ALS2: variants seen among roughly 807,000 people sequenced by gnomAD.
ALS2 encodes alsin.
A neutral mutation model predicts 203.4 loss-of-function variants in ALS2; 117 were observed. The ratio of observed to expected loss-of-function variants is 0.58; its 90% confidence interval spans 0.50 to 0.67. The LOEUF is 0.67. Ranked by LOEUF, ALS2 falls within the 30% of genes least tolerant of loss-of-function variation. ALS2 has a pLI of 0.00. For missense variants in ALS2, 1,715 were observed against 1,989.4 expected (o/e 0.86, Z 2.62); for synonymous variants, 718 against 725.9 (o/e 0.99, Z 0.17).
At chr2:201,766,089 A>G (rs2106099312) in intron 3 of ALS2, among the ~76,000 whole-genome samples, 1 of 152,352 alleles carries the variant, frequency 6.6e-6, no homozygotes, top group East Asian at 1.9e-4. Flanking sequence ...GGGGCTTAGT[A>G]TAGTGTCTGG....
chr2:201,724,246 G>T (rs773394711), intron 21 of ALS2, 49 bp downstream of exon 21: 1 of 1,546,240 alleles, frequency 6.5e-7, no homozygotes. Context: ...AATAATGATG[G>T]TGCTTAATCA....
At chr2:201,756,581 G>C (rs1345045980) in intron 5 of ALS2, among the ~76,000 whole-genome samples, 1 of 152,142 alleles carries the variant, frequency 6.6e-6, no homozygotes, top group Non-Finnish European at 1.5e-5. Flanking sequence ...AGTTTTGTTG[G>C]GATATAGCTT....
At position 201,761,458 on chromosome 2, in the gene ALS2, T is replaced by G; in HGVS notation, c.536A>C (p.Gln179Pro). The change falls in exon 4 of 34, where the codon CAG becomes CCG. Residue 179 changes from glutamine (Q) to proline (P), a missense_variant. Physicochemically the swap from Gln to Pro is moderately conservative, Grantham distance 76 (BLOSUM62 -1). Transcript: ENST00000264276. ...GAAGGCAGTGGTAATGAGACCCAAC[T>G]GACAACCGGTACCCCATGCCCAAAT... is the stretch of plus-strand genomic sequence containing the variant. ...REIWAWGTGC[Q>P]LGLITTAFPV... 1.9e-6 allele frequency: 3 copies of G among 1,607,642 alleles called. No individual in the cohort carries two copies. The highest frequency in any genetic ancestry group is 2.6e-6 in the Non-Finnish European group (3 of 1,174,782).
At chr2:201,767,723 C>T (rs905911542) in intron 2 of ALS2, among the ~76,000 whole-genome samples, 2 of 149,986 alleles carry the variant, frequency 1.3e-5, no homozygotes, top group Admixed American at 1.3e-4. Flanking sequence ...AAAAAATCAG[C>T]CGGGCATGGT....
Position 201,753,234 on chromosome 2 carries a change from G to A in ALS2, c.1649C>T (p.Pro550Leu), listed in dbSNP as rs2106071765. 3 of 1,613,716 alleles carry A rather than the reference G, an allele frequency of 1.9e-6. No individual in the cohort carries two copies. The highest frequency in any genetic ancestry group is 2.2e-5 in the East Asian group (1 of 44,864). ...GCCATCCAGACATTTTACACACAAC[G>A]GTTGAAGCCTTAAAAAGAAACACAC... ...GHGDVLPRLQ[P>L]LCVKCLDGKE... The change falls in exon 7 of 34, where the codon CCG becomes CTG. Residue 550 changes from proline to leucine, a missense_variant. By Grantham distance (98) the Pro-to-Leu change is moderately conservative (BLOSUM62 -3). Coordinates refer to ENST00000264276, the MANE Select transcript of ALS2 (RefSeq NM_020919.4).
At chr2:201,744,159 A>G in intron 10 of ALS2, 99 bp downstream of exon 10, 1 of 1,339,010 alleles carries the variant, frequency 7.5e-7, no homozygotes, top group Non-Finnish European at 1.1e-6. Context: ...CATAGCAAGA[A>G]GTAAACCATA....
chr2:201,738,664 G>A lies in ALS2; in HGVS notation c.2417+6C>T, dbSNP rs756969311. ...AATGATAACTGGAAGGTGTGGGTTT[G>A]CTTACATGGCAGGCTTAGCAAGAAG... On this transcript the variant is annotated splice_donor_region_variant and intron_variant, in intron 12 of 33. Coordinates refer to ENST00000264276, the MANE Select transcript of ALS2 (RefSeq NM_020919.4). 2 of 1,612,914 alleles carry A rather than the reference G, an allele frequency of 1.2e-6. No individual in the cohort carries two copies. Among genetic ancestry groups the A allele is most frequent in the Non-Finnish European group, 8.5e-7 (1 of 1,178,922 alleles).
chr2:201,739,540 C>T (rs949194429), intron 11 of ALS2, among the ~76,000 whole-genome samples: 6 of 151,540 alleles, frequency 4.0e-5, no homozygotes, highest in Non-Finnish European at 5.9e-5. Flanking sequence ...GTCAGGAGTT[C>T]GAGACCAGCC....
At chr2:201,750,535 T>C (rs1388374677) in intron 7 of ALS2, among the ~76,000 whole-genome samples, 1 of 151,818 alleles carries the variant, frequency 6.6e-6, no homozygotes, top group Non-Finnish European at 1.5e-5. Flanking sequence ...AAACCTTTCA[T>C]ACATGAAGAG....
intron 19 of ALS2, among the ~76,000 whole-genome samples, chr2:201,726,010 T>C (rs1233878046): frequency 2.0e-5 from 3 of 152,216 alleles, no homozygotes; most frequent in African/African-American, 4.8e-5. Context: ...TTAGAAAACA[T>C]GATAAACTTA....
rs187998337 is a variant in ALS2 at position 201,751,023 on chromosome 2, C to T, written c.1738-1234G>A. On this transcript the variant is annotated intron_variant, in intron 7 of 33. Coordinates refer to ENST00000264276, the MANE Select transcript of ALS2 (RefSeq NM_020919.4). ...GCCTGTCATCACGCCCGGCTAACTT[C>T]TGTGTTTTTAGTAGAGATGGGGTTT... Among the ~76,000 whole-genome samples the T allele has an allele frequency of 2.6e-3, 391 of 151,920 alleles. 3 individuals are homozygous for T. Among genetic ancestry groups the T allele is most frequent in the African/African-American group, 8.4e-3 (350 of 41,468 alleles).
chr2:201,749,685 A>C, intron 8 of ALS2, 27 bp downstream of exon 8: 1 of 1,572,832 alleles, frequency 6.4e-7, no homozygotes, highest in African/African-American at 1.3e-5. Context: ...ATTGTGGAAT[A>C]AGTTGCTATC....
chr2:201,743,248 C>A (rs1329791142), intron 10 of ALS2, among the ~76,000 whole-genome samples: 5 of 151,856 alleles, frequency 3.3e-5, no homozygotes, highest in African/African-American at 1.2e-4. Context: ...AGGGCCAAAC[C>A]CAGAAAAAAA....
chr2:201,744,688 A>G (rs192336269), intron 9 of ALS2, among the ~76,000 whole-genome samples: 112 of 152,044 alleles, frequency 7.4e-4, no homozygotes, highest in African/African-American at 2.6e-3. Flanking sequence ...TCATTGTTAT[A>G]TATGCATATC....
At chr2:201,728,178 G>A (rs545477494) in intron 15 of ALS2, among the ~76,000 whole-genome samples, 6 of 152,262 alleles carry the variant, frequency 3.9e-5, no homozygotes, top group African/African-American at 9.6e-5. Flanking sequence ...CACGTGCCAT[G>A]TTGGTATGCT....
At chr2:201,705,276 AGT>A in intron 30 of ALS2, 76 bp from the exon 31 acceptor site, 1 of 1,480,690 alleles carries the variant, frequency 6.8e-7, no homozygotes, top group Non-Finnish European at 9.4e-7. Flanking sequence ...CTGATGTCAG[AGT>A]GCAGGTCTTT....
intron 1 of ALS2, among the ~76,000 whole-genome samples, chr2:201,779,664 TTACAC>T (rs1012134104): frequency 2.6e-5 from 4 of 152,208 alleles, no homozygotes; most frequent in African/African-American, 9.6e-5. Flanking sequence ...ACATGAACCA[TTACAC>T]GTAAAGGTAC....
chr2:201,719,049 A>G (rs1690586854), intron 23 of ALS2, among the ~76,000 whole-genome samples: 1 of 152,246 alleles, frequency 6.6e-6, no homozygotes, highest in Non-Finnish European at 1.5e-5. Flanking sequence ...AAAGATATAT[A>G]AAATTGACAT....
intron 8 of ALS2, among the ~76,000 whole-genome samples, chr2:201,748,294 C>T (rs997130378): frequency 2.6e-5 from 4 of 152,142 alleles, no homozygotes; most frequent in African/African-American, 2.4e-5. Flanking sequence ...ATCCAAATAA[C>T]GGACTTCCCA....
Sources: gnomAD v4.1 joint callset for allele counts (sites outside exome capture counted in the v4.1 genomes callset) on GRCh38, gnomAD v4.1.1 for gene constraint, MANE v1.5 for transcripts, NCBI Gene and HGNC (gene_info 2026-07-23, HGNC 2026-07-21) for gene names.